The following DSE variants were observed in gnomAD, a reference collection of about 807,000 sequenced individuals.
DSE encodes the protein dermatan sulfate epimerase, also known as dermatan-sulfate epimerase.
Under a neutral mutation model 84.4 loss-of-function variants are expected in DSE, and 36 were observed. That is an observed-to-expected ratio of 0.43 (90% CI 0.33 to 0.56). The LOEUF is 0.56. Among genes scored for constraint, DSE ranks in the 20% least tolerant of loss-of-function variants. The pLI is 0.06. For synonymous variants in DSE, 410 were observed against 430.1 expected (o/e 0.95, Z 0.58); for missense variants, 862 against 1,169.6 (o/e 0.74, Z 3.84).
Position 116,254,187 on chromosome 6 carries a change from A to G in DSE, c.-684A>G, listed in dbSNP as rs1020138957. The G allele has an allele frequency of 1.2e-5, 9 of 730,960 alleles. No homozygotes were observed. In the African/African-American group the frequency reaches 1.6e-4, roughly 13 times the overall value. The allele number at this position is 730,960 out of a possible 1,614,324, so 45.3% of individuals were successfully genotyped here. On this transcript the variant is annotated 5_prime_UTR_variant, in exon 1 of 4. Transcript: ENST00000430252. ...GCGAGAACTCTCTGCGCGGTTGACT[A>G]CGCTTATCAATCCATCGTATTCCTT...
chr6:116,292,729 T>C (rs928419022), intron 2 of DSE, among the ~76,000 whole-genome samples: 2 of 152,192 alleles, frequency 1.3e-5, no homozygotes, highest in African/African-American at 4.8e-5. Flanking sequence ...GGATAAATTA[T>C]GGCATGTTTA....
chr6:116,333,506 A>T (rs1251697052), intron 2 of DSE, among the ~76,000 whole-genome samples: 1 of 152,214 alleles, frequency 6.6e-6, no homozygotes, highest in African/African-American at 2.4e-5. Context: ...CCCATCTCCC[A>T]ATACCGTTAC....
At chr6:116,320,024 A>T (rs1238559377) in intron 2 of DSE, among the ~76,000 whole-genome samples, 2 of 152,218 alleles carry the variant, frequency 1.3e-5, no homozygotes, top group African/African-American at 4.8e-5. Flanking sequence ...TTCTCAGGAT[A>T]TAAGCTGTGT....
intron 3 of DSE, among the ~76,000 whole-genome samples, chr6:116,429,066 C>T (rs1481210280): frequency 1.3e-5 from 2 of 152,144 alleles, no homozygotes; most frequent in Non-Finnish European, 2.9e-5. Flanking sequence ...TGATTTTAGG[C>T]ATCAGTCACA....
At chr6:116,394,438 A>T (rs1781112730) in intron 1 of DSE, among the ~76,000 whole-genome samples, 1 of 147,186 alleles carries the variant, frequency 6.8e-6, no homozygotes, top group African/African-American at 2.5e-5. Flanking sequence ...TAACAGCGTG[A>T]TTTTTTTTTT....
chr6:116,363,185 T>C (rs1396902123), intron 2 of DSE, among the ~76,000 whole-genome samples: 1 of 152,084 alleles, frequency 6.6e-6, no homozygotes, highest in Non-Finnish European at 1.5e-5. Flanking sequence ...TTTGTAACAG[T>C]TGCTTTTTTT....
chr6:116,362,033 C>T (rs1211072424), intron 2 of DSE, among the ~76,000 whole-genome samples: 1 of 152,164 alleles, frequency 6.6e-6, no homozygotes, highest in Admixed American at 6.5e-5. Context: ...TGTAAAGACC[C>T]TCAGAGATAT....
At chr6:116,277,590 G>A (rs1773207929) in intron 2 of DSE, 1 of 152,200 alleles carries the variant, frequency 6.6e-6, no homozygotes, top group Admixed American at 6.6e-5. Context: ...CTCTGAAAAT[G>A]ACAGAGCCAA....
intron 2 of DSE, among the ~76,000 whole-genome samples, chr6:116,407,556 T>A (rs930179600): frequency 3.3e-5 from 5 of 152,224 alleles, no homozygotes; most frequent in African/African-American, 1.2e-4. Flanking sequence ...TGGCCATATC[T>A]GCTCATTCTT....
intron 2 of DSE, among the ~76,000 whole-genome samples, chr6:116,281,873 G>A (rs1167764832): frequency 1.3e-5 from 2 of 152,220 alleles, no homozygotes; most frequent in Non-Finnish European, 2.9e-5. Context: ...AAACCAGAGG[G>A]CTGCTCTATT....
At chr6:116,302,204 T>C (rs1403324389) in intron 2 of DSE, among the ~76,000 whole-genome samples, 1 of 152,210 alleles carries the variant, frequency 6.6e-6, no homozygotes, top group African/African-American at 2.4e-5. Flanking sequence ...CCTTGAGGAA[T>C]CGCCACACTG....
intron 2 of DSE, chr6:116,279,601 C>G: frequency 6.2e-7 from 1 of 1,602,168 alleles, no homozygotes. Context: ...AGTACCGCCA[C>G]GGCCCGCGGC....
chr6:116,437,390 C>T lies in DSE; in HGVS notation c.*45C>T. The T allele has an allele frequency of 7.0e-7, 1 of 1,434,742 alleles. No individual in the cohort carries two copies. Among genetic ancestry groups the T allele is most frequent in the Non-Finnish European group, 9.2e-7 (1 of 1,089,170 alleles). The allele number at this position is 1,434,742 out of a possible 1,614,324, so 88.9% of individuals were successfully genotyped here. On this transcript the variant is annotated 3_prime_UTR_variant, in exon 6 of 6. Coordinates refer to ENST00000644252, the MANE Select transcript of DSE (RefSeq NM_013352.4). ...CTGGTCATTTTGTGATCACAAGAGT[C>T]TATGCAAAAAAAAAAATTTCTTTAC... is the stretch of plus-strand genomic sequence containing the variant.
chr6:116,372,351 C>T (rs1344838680), intron 1 of DSE, among the ~76,000 whole-genome samples: 4 of 152,106 alleles, frequency 2.6e-5, no homozygotes, highest in Non-Finnish European at 5.9e-5. Context: ...GCCTGTAGTC[C>T]CAGCTACTCG....
At chr6:116,370,052 T>G, upstream of DSE, 1 of 949,552 alleles carries the variant, frequency 1.1e-6, no homozygotes, top group South Asian at 1.4e-5. Flanking sequence ...ACCTCACATC[T>G]CCTTGGGGCC....
intron 2 of DSE, among the ~76,000 whole-genome samples, chr6:116,365,087 A>G (rs935322946): frequency 6.6e-6 from 1 of 152,032 alleles, no homozygotes; most frequent in African/African-American, 2.4e-5. Flanking sequence ...GTTTGCCTGC[A>G]TTGGCCTCCC....
At chr6:116,368,627 C>T (rs1779304848), upstream of DSE, among the ~76,000 whole-genome samples, 1 of 152,136 alleles carries the variant, frequency 6.6e-6, no homozygotes, top group South Asian at 2.1e-4. Context: ...ATATTGCTGC[C>T]ATGGAAGCTC....
chr6:116,258,459 G>C, exon 2 of DSE: 1 of 891,578 alleles, frequency 1.1e-6, no homozygotes, highest in Non-Finnish European at 1.9e-6. Context: ...TGCCCTGAAG[G>C]GCAGACAGGT....
rs536176149 is a variant in DSE, at chr6:116,353,754, G to A, written c.-53-45444G>A. 4.6e-5 allele frequency among the ~76,000 whole-genome samples: 7 copies of A among 152,194 alleles called. No homozygotes were observed. In the South Asian group the frequency reaches 1.5e-3, roughly 32 times the overall value. ...GGACACTTACTGTTGTCACATAAGG[G>A]GATTCAGACAGATATCTAGCTTATT... On this transcript the variant is annotated intron_variant, in intron 2 of 3. Transcript: ENST00000430252.
Sources: gnomAD v4.1 joint callset for allele counts (sites outside exome capture counted in the v4.1 genomes callset) on GRCh38, gnomAD v4.1.1 for gene constraint, MANE v1.5 for transcripts, NCBI Gene and HGNC (gene_info 2026-07-23, HGNC 2026-07-21) for gene names.